LRMDA: variants seen among roughly 807,000 people sequenced by gnomAD.
The protein encoded by LRMDA is leucine-rich melanocyte differentiation-associated protein.
In LRMDA, 18 loss-of-function variants were observed where a neutral mutation model predicts 29.8. That is an observed-to-expected ratio of 0.60 (90% CI 0.42 to 0.90). The LOEUF (loss-of-function observed/expected upper bound fraction) is 0.90. Among genes scored for constraint, LRMDA ranks in the 40% least tolerant of loss-of-function variants. The pLI, the probability that LRMDA is intolerant of heterozygous loss-of-function variation, is 0.00. For synonymous variants in LRMDA, 125 were observed against 109.4 expected (o/e 1.14, Z -0.89); for missense variants, 273 against 273.9 (o/e 1.00, Z 0.02).
Position 76,324,436 on chromosome 10 carries a change from C to T in LRMDA, c.552C>T (p.Arg184=). 1 of 1,614,114 alleles carries T rather than the reference C, an allele frequency of 6.2e-7. No individual in the cohort carries two copies. The stretch of plus-strand genomic sequence containing the variant: ...AGGACGTTGCCAGCTCCCCGGAGCG[C>T]CACTACACGCCCTTGCCTTCTGCTT... ...SSEDVASSPE[R]HYTPLPSASR... Residue 184 remains arginine, a synonymous_variant, in exon 6 of 7, where the codon CGC becomes CGT. Transcript: ENST00000611255.
intron 5 of LRMDA, among the ~76,000 whole-genome samples, chr10:76,169,620 G>C (rs932797482): frequency 7.2e-5 from 11 of 152,106 alleles, no homozygotes; most frequent in African/African-American, 2.7e-4. Flanking sequence ...GAAAGATTGG[G>C]TTAATCTCTG....
intron 5 of LRMDA, among the ~76,000 whole-genome samples, chr10:76,086,039 T>G (rs1048539703): frequency 3.9e-5 from 6 of 152,214 alleles, no homozygotes; most frequent in Non-Finnish European, 8.8e-5. Context: ...CTTCTCAAGT[T>G]TAAAGACTTC....
At chr10:76,467,011 C>A (rs529661604) in intron 6 of LRMDA, among the ~76,000 whole-genome samples, 1 of 152,154 alleles carries the variant, frequency 6.6e-6, no homozygotes, top group African/African-American at 2.4e-5. Flanking sequence ...CTATTCTTAG[C>A]CATTCGGTGT....
At chr10:75,457,790 C>G (rs1232190089) in intron 2 of LRMDA, among the ~76,000 whole-genome samples, 1 of 152,234 alleles carries the variant, frequency 6.6e-6, no homozygotes, top group Non-Finnish European at 1.5e-5. Context: ...TCTCACTCCT[C>G]AGAGTGTTTC....
chr10:75,901,071 G>T (rs545584684), intron 2 of LRMDA, among the ~76,000 whole-genome samples: 2 of 152,306 alleles, frequency 1.3e-5, no homozygotes, highest in East Asian at 3.9e-4. Context: ...ATGAGAAAGA[G>T]AGAGAGGGAG....
At chr10:76,155,223 T>A (rs1237151753) in intron 5 of LRMDA, among the ~76,000 whole-genome samples, 3 of 152,138 alleles carry the variant, frequency 2.0e-5, no homozygotes, top group Admixed American at 1.3e-4. Context: ...CCTTTAATGA[T>A]CTTAATGGAA....
intron 2 of LRMDA, among the ~76,000 whole-genome samples, chr10:75,700,212 A>T (rs759193072): frequency 1.7e-4 from 26 of 152,034 alleles, no homozygotes; most frequent in Non-Finnish European, 3.7e-4. Flanking sequence ...TTCATTTATT[A>T]AAGTCAAGTT....
At chr10:75,736,505 G>A (rs113684772) in intron 2 of LRMDA, among the ~76,000 whole-genome samples, 2 of 152,290 alleles carry the variant, frequency 1.3e-5, no homozygotes, top group East Asian at 1.9e-4. Flanking sequence ...AGGCTTGATT[G>A]CATACTGTGA....
At chr10:75,870,954 A>T (rs1373569401) in intron 2 of LRMDA, among the ~76,000 whole-genome samples, 1 of 152,148 alleles carries the variant, frequency 6.6e-6, no homozygotes, top group Non-Finnish European at 1.5e-5. Flanking sequence ...CATAAGATTT[A>T]GAATCTCAGT....
intron 6 of LRMDA, among the ~76,000 whole-genome samples, chr10:76,328,014 G>C (rs1485214497): frequency 6.6e-6 from 1 of 152,148 alleles, no homozygotes; most frequent in South Asian, 2.1e-4. Context: ...TCAAGGAAGG[G>C]GTCAGACTCT....
At chr10:75,527,590 G>A (rs1362966481) in intron 2 of LRMDA, among the ~76,000 whole-genome samples, 1 of 106,242 alleles carries the variant, frequency 9.4e-6, no homozygotes, top group Non-Finnish European at 1.7e-5. Flanking sequence ...TCTTTAAAAG[G>A]CATAAACTCA....
chr10:75,989,942 G>A (rs758852547), intron 2 of LRMDA, among the ~76,000 whole-genome samples: 21 of 152,164 alleles, frequency 1.4e-4, no homozygotes, highest in Admixed American at 1.2e-3. Flanking sequence ...AATCCCCCCC[G>A]CTCCTGAGAC....
chr10:75,558,533 GTTTT>G (rs1395953194), intron 2 of LRMDA, among the ~76,000 whole-genome samples: 1 of 151,390 alleles, frequency 6.6e-6, no homozygotes, highest in South Asian at 2.1e-4. Flanking sequence ...TTATTTTTTT[GTTTT>G]TTTATTATTA....
chr10:75,847,725 A>G (rs559420473), intron 2 of LRMDA, among the ~76,000 whole-genome samples: 1 of 152,370 alleles, frequency 6.6e-6, no homozygotes, highest in East Asian at 1.9e-4. Flanking sequence ...CAAATGGCTA[A>G]CAAGCACATG....
At chr10:75,738,218 C>T (rs554329149) in intron 2 of LRMDA, among the ~76,000 whole-genome samples, 2 of 151,932 alleles carry the variant, frequency 1.3e-5, no homozygotes, top group East Asian at 3.9e-4. Flanking sequence ...TTTTGAACTT[C>T]TCCCTGTCTC....
intron 5 of LRMDA, among the ~76,000 whole-genome samples, chr10:76,164,040 C>T (rs1850692650): frequency 6.6e-6 from 1 of 152,112 alleles, no homozygotes; most frequent in South Asian, 2.1e-4. Flanking sequence ...TTAAACAACC[C>T]TCTGAAGTTT....
chr10:76,167,237 A>G (rs1850757190), intron 5 of LRMDA, among the ~76,000 whole-genome samples: 1 of 152,160 alleles, frequency 6.6e-6, no homozygotes, highest in South Asian at 2.1e-4. Flanking sequence ...TTTTGCAAAT[A>G]TCTTCTCCCA....
rs567382005 is a variant in LRMDA, at chr10:75,884,669, A to G, written c.132-151339A>G. ...CTGACAGTGGCTGTTTAAAGAAGCA[A>G]TGCAGGGCCTGACAGTAACTCCTTG... On this transcript the variant is annotated intron_variant, in intron 2 of 6. Coordinates refer to ENST00000611255, the MANE Select transcript of LRMDA (RefSeq NM_001305581.2). Among the ~76,000 whole-genome samples, 7 of 152,332 alleles carry G rather than the reference A, an allele frequency of 4.6e-5. No individual in the cohort carries two copies. In the South Asian group the frequency reaches 1.0e-3, roughly 23 times the overall value.
chr10:76,076,427 A>T (rs535847832), intron 5 of LRMDA, among the ~76,000 whole-genome samples: 50 of 150,940 alleles, frequency 3.3e-4, no homozygotes, highest in African/African-American at 1.2e-3. Flanking sequence ...TTGCCTTTTA[A>T]TTTTTCTGCA....
Sources: allele counts gnomAD v4.1 joint callset (sites outside exome capture counted in the v4.1 genomes callset), GRCh38; gene constraint gnomAD v4.1.1; transcripts MANE v1.5; gene names NCBI Gene and HGNC (gene_info 2026-07-23, HGNC 2026-07-21).